Variants in SLC2A13 observed in about 807,000 individuals in gnomAD.
The protein encoded by SLC2A13 is proton myo-inositol cotransporter.
In SLC2A13, 32 loss-of-function variants were observed where a neutral mutation model predicts 64.4. The ratio of observed to expected loss-of-function variants is 0.50; its 90% CI spans 0.37 to 0.67. The LOEUF (loss-of-function observed/expected upper bound fraction) is 0.67, where lower values mean the gene tolerates loss of function less well. Ranked by LOEUF, SLC2A13 falls within the 30% of genes least tolerant of loss-of-function variation. The pLI, the probability that SLC2A13 is intolerant of heterozygous loss-of-function variation, is 0.00. For missense variants in SLC2A13, 743 were observed against 829.2 expected, an observed-to-expected ratio of 0.90 and a Z score of 1.28; for synonymous variants, 338 against 327.1, an observed-to-expected ratio of 1.03 and a Z score of -0.36.
intron 6 of SLC2A13, among the ~76,000 whole-genome samples, chr12:39,844,882 C>T (rs1943266795): frequency 6.6e-6 from 1 of 151,988 alleles, no homozygotes; most frequent in Admixed American, 6.6e-5. Flanking sequence ...GATTCTGTCT[C>T]CAACAGAATA....
intron 3 of SLC2A13, among the ~76,000 whole-genome samples, chr12:40,022,199 ACT>A (rs993619428): frequency 2.0e-5 from 3 of 152,172 alleles, no homozygotes; most frequent in African/African-American, 7.2e-5. Flanking sequence ...TAGAGATCAA[ACT>A]CTTTGTCAAA....
chr12:40,067,497 T>C (rs1937778774), intron 1 of SLC2A13, among the ~76,000 whole-genome samples: 1 of 149,690 alleles, frequency 6.7e-6, no homozygotes, highest in Non-Finnish European at 1.5e-5. Context: ...GAGTATATTA[T>C]TTAAACATAA....
chr12:39,789,297 T>A (rs1392564219), intron 7 of SLC2A13, among the ~76,000 whole-genome samples: 1 of 152,084 alleles, frequency 6.6e-6, no homozygotes, highest in Non-Finnish European at 1.5e-5. Context: ...TTGAACTTAA[T>A]GGATTATTAT....
At chr12:39,819,164 C>A (rs1942420921) in intron 7 of SLC2A13, among the ~76,000 whole-genome samples, 2 of 152,224 alleles carry the variant, frequency 1.3e-5, no homozygotes, top group South Asian at 4.1e-4. Context: ...ATCACACTTG[C>A]AGTCTCATTT....
chr12:39,900,361 T>C (rs1164799220), intron 4 of SLC2A13, among the ~76,000 whole-genome samples: 9 of 151,994 alleles, frequency 5.9e-5, no homozygotes, highest in Non-Finnish European at 1.2e-4. Flanking sequence ...CAGAAAGAAA[T>C]AAAGGGGATT....
intron 3 of SLC2A13, among the ~76,000 whole-genome samples, chr12:39,997,991 A>C (rs1396152494): frequency 6.6e-6 from 1 of 152,226 alleles, no homozygotes; most frequent in Non-Finnish European, 1.5e-5. Flanking sequence ...AAGTAAAACT[A>C]TCATTTGATC....
At chr12:40,012,572 G>A (rs1437124225) in intron 3 of SLC2A13, among the ~76,000 whole-genome samples, 2 of 152,176 alleles carry the variant, frequency 1.3e-5, no homozygotes, top group African/African-American at 4.8e-5. Flanking sequence ...TGACCATGAT[G>A]AACCTAAATT....
At chr12:40,001,981 AG>A (rs1284452904) in intron 3 of SLC2A13, among the ~76,000 whole-genome samples, 6 of 152,252 alleles carry the variant, frequency 3.9e-5, no homozygotes, top group African/African-American at 1.4e-4. Context: ...CCTAGCAAAT[AG>A]ATGATTTTAT....
chr12:39,996,695 G>C (rs1446207424), intron 3 of SLC2A13, among the ~76,000 whole-genome samples: 1 of 152,236 alleles, frequency 6.6e-6, no homozygotes, highest in African/African-American at 2.4e-5. Flanking sequence ...CGTGGCTTCA[G>C]AGGGTGCAAT....
intron 3 of SLC2A13, 38 bp downstream of exon 3, chr12:40,028,261 GTA>G (rs1565596111): frequency 6.8e-7 from 1 of 1,480,610 alleles, no homozygotes. Flanking sequence ...TAAGACCACT[GTA>G]TAGTTTTTAA....
At chr12:39,882,745 C>G (rs904563980) in intron 4 of SLC2A13, among the ~76,000 whole-genome samples, 8 of 151,588 alleles carry the variant, frequency 5.3e-5, no homozygotes, top group African/African-American at 1.9e-4. Flanking sequence ...AATCAGCACT[C>G]AAACACCTGT....
rs750022122 is a variant in SLC2A13 at position 39,864,872 on chromosome 12, T to C, written c.1209A>G (p.Val403=). ...LTFGSLAGTT[V]ALIILALGFV... ...ATCCCAAGGCAAGAATAATGAGTGC[T>C]ACGGTGGTACCTTAAAAAAAAAAAG... Residue 403 remains valine, a synonymous_variant, in exon 6 of 10, where the codon GTA becomes GTG. Coordinates refer to ENST00000280871, the MANE Select transcript of SLC2A13 (RefSeq NM_052885.4). 6.2e-6 allele frequency: 10 copies of C among 1,610,142 alleles called. No individual in the cohort carries two copies. Among genetic ancestry groups the C allele is most frequent in the East Asian group, 2.2e-5 (1 of 44,844 alleles).
intron 1 of SLC2A13, among the ~76,000 whole-genome samples, chr12:40,076,266 G>A (rs1235770332): frequency 1.3e-5 from 2 of 152,142 alleles, no homozygotes; most frequent in Non-Finnish European, 2.9e-5. Flanking sequence ...CAGGTAGAGA[G>A]CATAGTACCT....
chr12:40,103,161 T>C (rs939387878), intron 1 of SLC2A13, among the ~76,000 whole-genome samples: 1 of 152,212 alleles, frequency 6.6e-6, no homozygotes, highest in African/African-American at 2.4e-5. Flanking sequence ...CCACAGCTCT[T>C]GCACACCAAC....
intron 6 of SLC2A13, among the ~76,000 whole-genome samples, chr12:39,857,050 C>G (rs1943627984): frequency 6.6e-6 from 1 of 152,104 alleles, no homozygotes; most frequent in Admixed American, 6.6e-5. Flanking sequence ...AATAAAACTC[C>G]AAGTTGGTTT....
chr12:40,007,456 A>G (rs1193447833), intron 3 of SLC2A13, among the ~76,000 whole-genome samples: 1 of 152,008 alleles, frequency 6.6e-6, no homozygotes. Flanking sequence ...CTGTCCACCA[A>G]ACTATTTTAT....
rs998533318 is a variant in SLC2A13 at position 39,981,115 on chromosome 12, T to G, written c.926-29750A>C. ...AATGAAGGCAGAAATAAAGATGTTC[T>G]TTGAAACCAACGAGAACAAAGACAC... is the stretch of plus-strand genomic sequence containing the variant. On this transcript the variant is annotated intron_variant, in intron 3 of 9. Coordinates refer to ENST00000280871, the MANE Select transcript of SLC2A13 (RefSeq NM_052885.4). 6.0e-4 allele frequency among the ~76,000 whole-genome samples: 91 copies of G among 151,754 alleles called. 1 individual carries two copies. The highest frequency in any genetic ancestry group is 2.2e-3 in the African/African-American group (90 of 41,320).
chr12:39,994,397 CA>C (rs77951489), intron 3 of SLC2A13, among the ~76,000 whole-genome samples: 2 of 140,082 alleles, frequency 1.4e-5, no homozygotes, highest in African/African-American at 5.1e-5. Context: ...AAAAAAAAAA[CA>C]AAAAAAAACT....
At chr12:39,938,030 A>G (rs1005447994) in intron 4 of SLC2A13, among the ~76,000 whole-genome samples, 3 of 152,174 alleles carry the variant, frequency 2.0e-5, no homozygotes, top group East Asian at 1.9e-4. Context: ...TCTCCAGAGG[A>G]TGCCTCAAAT....
Sources: allele counts gnomAD v4.1 joint callset (sites outside exome capture counted in the v4.1 genomes callset), GRCh38; gene constraint gnomAD v4.1.1; transcripts MANE v1.5; gene names NCBI Gene and HGNC (gene_info 2026-07-23, HGNC 2026-07-21).